Variants in ERBB4 observed in about 807,000 individuals in gnomAD.
ERBB4 encodes the protein erb-b2 receptor tyrosine kinase 4.
A neutral mutation model predicts 158.0 loss-of-function variants in ERBB4; 42 were observed. The observed-to-expected ratio is 0.27, with a 90% confidence interval of 0.21 to 0.34. The LOEUF is 0.34. Among genes scored for constraint, ERBB4 ranks in the 10% least tolerant of loss-of-function variants. ERBB4 has a pLI of 1.00. For missense variants in ERBB4, 1,333 were observed against 1,624.1 expected, an observed-to-expected ratio of 0.82 and a Z score of 3.08; for synonymous variants, 583 against 558.7, an observed-to-expected ratio of 1.04 and a Z score of -0.61.
intron 3 of ERBB4, among the ~76,000 whole-genome samples, chr2:211,803,011 C>T (rs1302712947): frequency 6.6e-6 from 1 of 152,170 alleles, no homozygotes; most frequent in Admixed American, 6.5e-5. Flanking sequence ...AAAGTTGGCA[C>T]ATTTTCAAGG....
At chr2:212,432,249 A>C in intron 1 of ERBB4, among the ~76,000 whole-genome samples, 1 of 152,300 alleles carries the variant, frequency 6.6e-6, no homozygotes, top group Middle Eastern at 3.4e-3. Flanking sequence ...GATAAACAGA[A>C]TTTTATAATT....
At chr2:211,880,935 C>G (rs2078644520) in intron 3 of ERBB4, among the ~76,000 whole-genome samples, 2 of 152,122 alleles carry the variant, frequency 1.3e-5, no homozygotes, top group Non-Finnish European at 2.9e-5. Flanking sequence ...AAGTAATATC[C>G]AATGCCACAG....
chr2:211,579,063 C>T (rs1301418553), intron 19 of ERBB4, among the ~76,000 whole-genome samples: 3 of 151,804 alleles, frequency 2.0e-5, no homozygotes, highest in Non-Finnish European at 4.4e-5. Flanking sequence ...TGGCAAAGGT[C>T]GAATATCCAG....
intron 1 of ERBB4, among the ~76,000 whole-genome samples, chr2:212,163,506 A>G (rs1322680507): frequency 8.5e-5 from 13 of 152,062 alleles, no homozygotes; most frequent in Admixed American, 8.5e-4. Context: ...ACTTTTAAAA[A>G]TCTTAGAACA....
intron 2 of ERBB4, among the ~76,000 whole-genome samples, chr2:211,970,013 T>C (rs893526017): frequency 1.3e-5 from 2 of 152,134 alleles, no homozygotes; most frequent in African/African-American, 4.8e-5. Flanking sequence ...CTTTCTAACT[T>C]TTTGATGTGG....
intron 1 of ERBB4, among the ~76,000 whole-genome samples, chr2:212,258,448 A>G (rs2084820181): frequency 6.6e-6 from 1 of 151,696 alleles, no homozygotes; most frequent in Non-Finnish European, 1.5e-5. Flanking sequence ...CAAATGATAA[A>G]CAGTTTACTT....
intron 3 of ERBB4, among the ~76,000 whole-genome samples, chr2:211,798,134 C>G (rs1042133318): frequency 1.2e-4 from 18 of 151,884 alleles, no homozygotes; most frequent in Admixed American, 6.6e-4. Flanking sequence ...AAAATTTTCC[C>G]TGCTTCATTC....
chr2:212,259,386 G>A (rs79230491), intron 1 of ERBB4, among the ~76,000 whole-genome samples: 20 of 152,148 alleles, frequency 1.3e-4, no homozygotes, highest in African/African-American at 4.3e-4. Context: ...CCCATTAAAC[G>A]CTCTGACCCA....
intron 12 of ERBB4, among the ~76,000 whole-genome samples, chr2:211,687,750 A>C (rs1422926646): frequency 6.6e-5 from 10 of 152,118 alleles, no homozygotes. Flanking sequence ...TATATGCAGC[A>C]AAAAGAAAAC....
intron 20 of ERBB4, among the ~76,000 whole-genome samples, chr2:211,435,401 C>T (rs1010978080): frequency 1.3e-5 from 2 of 152,198 alleles, no homozygotes; most frequent in Non-Finnish European, 2.9e-5. Flanking sequence ...ATGAGATGAA[C>T]ACTGTTGACG....
At chr2:212,318,667 T>C (rs896405363) in intron 1 of ERBB4, among the ~76,000 whole-genome samples, 1 of 151,598 alleles carries the variant, frequency 6.6e-6, no homozygotes, top group African/African-American at 2.4e-5. Context: ...ACTCAGTGGA[T>C]TGGAGTTGAG....
intron 3 of ERBB4, among the ~76,000 whole-genome samples, chr2:211,942,759 G>T (rs866363481): frequency 4.6e-5 from 7 of 151,956 alleles, no homozygotes; most frequent in African/African-American, 1.7e-4. Context: ...AATATATAGC[G>T]TATTCAGCTA....
intron 3 of ERBB4, among the ~76,000 whole-genome samples, chr2:211,866,699 C>T (rs1010235820): frequency 6.6e-5 from 10 of 151,786 alleles, no homozygotes; most frequent in African/African-American, 1.9e-4. Flanking sequence ...AACATTAATC[C>T]CACTGTTTAT....
intron 1 of ERBB4, among the ~76,000 whole-genome samples, chr2:212,175,238 A>T (rs188477611): frequency 4.6e-5 from 7 of 152,236 alleles, no homozygotes; most frequent in African/African-American, 1.7e-4. Flanking sequence ...TCTAGCAGAT[A>T]AAAAGCAGGC....
chr2:212,218,707 C>T (rs1209630727), intron 1 of ERBB4, among the ~76,000 whole-genome samples: 1 of 151,310 alleles, frequency 6.6e-6, no homozygotes, highest in Non-Finnish European at 1.5e-5. Context: ...AGGTTGACTG[C>T]ACAACCTCAC....
At chr2:211,537,190 T>G (rs1221036547) in intron 20 of ERBB4, among the ~76,000 whole-genome samples, 1 of 152,006 alleles carries the variant, frequency 6.6e-6, no homozygotes, top group Non-Finnish European at 1.5e-5. Context: ...TCTCAAAAAC[T>G]TCACCATTTT....
chr2:211,625,409 G>A (rs1212890570), intron 17 of ERBB4, among the ~76,000 whole-genome samples: 5 of 152,128 alleles, frequency 3.3e-5, no homozygotes, highest in African/African-American at 1.2e-4. Context: ...ATTAGTGGAA[G>A]ATTCTTGATT....
chr2:211,756,372 G>A (rs2075287688), intron 4 of ERBB4, among the ~76,000 whole-genome samples: 1 of 152,182 alleles, frequency 6.6e-6, no homozygotes, highest in African/African-American at 2.4e-5. Flanking sequence ...ATAACACAGA[G>A]GCATGGATGA....
chr2:212,192,059 T>C (rs958934440), intron 1 of ERBB4, among the ~76,000 whole-genome samples: 4 of 106,142 alleles, frequency 3.8e-5, no homozygotes, highest in Non-Finnish European at 8.6e-5. Context: ...TTATATGTTA[T>C]ATATGTTATA....
Sources: allele counts gnomAD v4.1 joint callset (sites outside exome capture counted in the v4.1 genomes callset), GRCh38; gene constraint gnomAD v4.1.1; transcripts MANE v1.5; gene names NCBI Gene and HGNC (gene_info 2026-07-23, HGNC 2026-07-21).